The following JMJD1C variants were observed in gnomAD, a reference collection of about 807,000 sequenced individuals.
The protein encoded by JMJD1C is jumonji domain-containing protein 1C.
JMJD1C carries 31 observed loss-of-function variants against 245.3 expected under a neutral mutation model. The ratio of observed to expected loss-of-function variants is 0.13; its 90% CI spans 0.09 to 0.17. The LOEUF (loss-of-function observed/expected upper bound fraction) is 0.17. Among genes scored for constraint, JMJD1C ranks in the 10% least tolerant of loss-of-function variants. The probability of loss-of-function intolerance (pLI) is 1.00; values close to 1 mark genes in which losing one functional copy is unlikely to be tolerated. For synonymous variants in JMJD1C, 1,057 were observed against 1,017.4 expected (o/e 1.04, Z -0.74); for missense variants, 2,691 against 3,000.2 (o/e 0.90, Z 2.41).
At chr10:63,277,678 A>C (rs955118706) in intron 2 of JMJD1C, among the ~76,000 whole-genome samples, 31 of 151,790 alleles carry the variant, frequency 2.0e-4, no homozygotes, top group Admixed American at 1.6e-3. Context: ...ATTTTTAAAA[A>C]ACAAATTGAC....
chr10:63,428,646 A>T (rs1950575954), intron 1 of JMJD1C, among the ~76,000 whole-genome samples: 1 of 152,190 alleles, frequency 6.6e-6, no homozygotes, highest in African/African-American at 2.4e-5. Context: ...TGATTACCTC[A>T]CCAGTTAGAC....
At chr10:63,498,643 T>C (rs1269780956) in intron 1 of JMJD1C, among the ~76,000 whole-genome samples, 2 of 152,028 alleles carry the variant, frequency 1.3e-5, no homozygotes, top group Non-Finnish European at 2.9e-5. Context: ...TGCCAAATTA[T>C]GAAACCTGAA....
intron 2 of JMJD1C, among the ~76,000 whole-genome samples, chr10:63,340,021 C>G (rs905273797): frequency 2.0e-5 from 3 of 151,928 alleles, no homozygotes; most frequent in Non-Finnish European, 1.5e-5. Context: ...GATAGCGCCA[C>G]TGCACTCCAG....
rs1422020818 is a variant in JMJD1C at position 63,227,194 on chromosome 10, CAT to C, written c.448-7213_448-7212del. 5.3e-5 allele frequency among the ~76,000 whole-genome samples: 8 copies of C among 152,234 alleles called. No homozygotes were observed. In the South Asian group the frequency reaches 1.7e-3, roughly 32 times the overall value. On this transcript the variant is annotated intron_variant, in intron 3 of 25. Coordinates refer to ENST00000399262, the MANE Select transcript of JMJD1C (RefSeq NM_032776.3). ...AAATAACCATCTAGGTAATATAAAA[CAT>C]AAGCTCAGAACACTAAAATATTCAG...
intron 1 of JMJD1C, among the ~76,000 whole-genome samples, chr10:63,499,583 A>T (rs926227591): frequency 6.6e-6 from 1 of 152,160 alleles, no homozygotes; most frequent in Non-Finnish European, 1.5e-5. Flanking sequence ...CCCCATAGCA[A>T]AGATATAATG....
At chr10:63,348,608 T>C (rs1351764579) in intron 2 of JMJD1C, among the ~76,000 whole-genome samples, 1 of 152,140 alleles carries the variant, frequency 6.6e-6, no homozygotes, top group Non-Finnish European at 1.5e-5. Flanking sequence ...TTCAGGATGT[T>C]GTGATAAATT....
intron 1 of JMJD1C, among the ~76,000 whole-genome samples, chr10:63,517,563 G>C (rs1265247928): frequency 6.6e-6 from 1 of 152,020 alleles, no homozygotes; most frequent in East Asian, 1.9e-4. Context: ...ACACAATGAA[G>C]GATGCGCTTT....
chr10:63,501,626 A>C (rs919487032), intron 1 of JMJD1C, among the ~76,000 whole-genome samples: 12 of 152,128 alleles, frequency 7.9e-5, no homozygotes, highest in Admixed American at 7.2e-4. Context: ...AAATACAAAA[A>C]TTAGCCAGGC....
At chr10:63,400,312 C>T (rs1948770377) in intron 1 of JMJD1C, among the ~76,000 whole-genome samples, 1 of 152,158 alleles carries the variant, frequency 6.6e-6, no homozygotes, top group South Asian at 2.1e-4. Context: ...GTTGACAAAA[C>T]CCCATTATAG....
intron 1 of JMJD1C, among the ~76,000 whole-genome samples, chr10:63,420,070 A>G (rs1950032845): frequency 1.3e-5 from 2 of 151,830 alleles, no homozygotes; most frequent in Admixed American, 1.3e-4. Flanking sequence ...CGGGAGGCAG[A>G]AGCTGCAGTG....
At chr10:63,390,794 A>G (rs996666295) in intron 1 of JMJD1C, among the ~76,000 whole-genome samples, 1 of 152,178 alleles carries the variant, frequency 6.6e-6, no homozygotes, top group Non-Finnish European at 1.5e-5. Flanking sequence ...AAAATTCAAC[A>G]TCCCTTCATA....
chr10:63,186,362 G>A lies in JMJD1C; in HGVS notation c.6592C>T (p.His2198Tyr). Reference sequence around the variant, plus strand: ...CATAGGCTAATGTTCATTTTCTTATGCACACCAGAAACCACTGCAGGCTTA... The same window carrying A: ...CATAGGCTAATGTTCATTTTCTTATACACACCAGAAACCACTGCAGGCTTA... ...QGQPAVVSGV[H>Y]KKMNISLWKA... The change falls in exon 19 of 26, where the codon CAT becomes TAT. Residue 2198 changes from histidine to tyrosine, a missense_variant. Physicochemically the swap from His to Tyr is moderately conservative, Grantham distance 83. This residue lies in a region of JMJD1C where 232 missense variants were observed against 416.1 expected (regional missense o/e 0.56). Transcript: ENST00000399262. 6.2e-7 allele frequency: 1 copy of A among 1,611,586 alleles called. No homozygotes were observed.
At chr10:63,424,890 T>C (rs976279184) in intron 1 of JMJD1C, among the ~76,000 whole-genome samples, 4 of 152,152 alleles carry the variant, frequency 2.6e-5, no homozygotes, top group Admixed American at 6.6e-5. Context: ...AGAAAACTTT[T>C]TCAGAACTGA....
rs1051210519 is a variant in JMJD1C at position 63,178,526 on chromosome 10, G to C, written c.7085-670C>G. ...TTAGTTGGCCCCTATACTTACTTAA[G>C]AATAAGGGATAACCTCTATTTTATA... is the stretch of plus-strand genomic sequence containing the variant. On this transcript the variant is annotated intron_variant, in intron 22 of 25. Transcript: ENST00000399262. 5.9e-5 allele frequency among the ~76,000 whole-genome samples: 9 copies of C among 152,214 alleles called. No individual in the cohort carries two copies. In the East Asian group the frequency reaches 1.7e-3, roughly 29 times the overall value.
chr10:63,430,301 T>G (rs2132832116), intron 1 of JMJD1C, among the ~76,000 whole-genome samples: 1 of 152,314 alleles, frequency 6.6e-6, no homozygotes, highest in Middle Eastern at 3.4e-3. Flanking sequence ...TTCTTAGATG[T>G]GACACCAAAA....
chr10:63,221,493 C>G (rs905786571), intron 3 of JMJD1C, among the ~76,000 whole-genome samples: 6 of 152,060 alleles, frequency 3.9e-5, no homozygotes, highest in African/African-American at 1.4e-4. Context: ...AAGAAAATAC[C>G]AGAATGAAAA....
At chr10:63,194,218 T>C (rs1267986258) in intron 14 of JMJD1C, 68 bp downstream of exon 14, 28 of 928,572 alleles carry the variant, frequency 3.0e-5, no homozygotes, top group Non-Finnish European at 4.9e-5. Flanking sequence ...TTCTAGATAC[T>C]CCTTTAAGTG....
At chr10:63,279,732 G>C (rs144730216) in intron 2 of JMJD1C, among the ~76,000 whole-genome samples, 31 of 152,316 alleles carry the variant, frequency 2.0e-4, no homozygotes, top group African/African-American at 7.5e-4. Context: ...CTACAGTCTA[G>C]ATGACAAAGC....
At chr10:63,325,438 C>T (rs1941392180) in intron 2 of JMJD1C, among the ~76,000 whole-genome samples, 1 of 152,224 alleles carries the variant, frequency 6.6e-6, no homozygotes, top group South Asian at 2.1e-4. Context: ...TCTCCGCGCT[C>T]AATCAATTTT....
Sources: allele counts gnomAD v4.1 joint callset (sites outside exome capture counted in the v4.1 genomes callset), GRCh38; gene constraint gnomAD v4.1.1; regional missense constraint gnomAD v4.1.1; transcripts MANE v1.5; gene names NCBI Gene and HGNC (gene_info 2026-07-23, HGNC 2026-07-21).